The following NBAS variants were observed in gnomAD, a reference collection of about 807,000 sequenced individuals.
NBAS encodes the protein NAG/BC035112 fusion.
Under a neutral mutation model 302.5 loss-of-function variants are expected in NBAS, and 219 were observed. That is an observed-to-expected ratio of 0.72 (90% CI 0.65 to 0.81). NBAS has a LOEUF of 0.81. Ranked by LOEUF, NBAS falls within the 30% of genes least tolerant of loss-of-function variation. NBAS has a pLI of 0.00. For missense variants in NBAS, 2,932 were observed against 2,841.6 expected (o/e 1.03, Z -0.72); for synonymous variants, 1,118 against 1,021.6 (o/e 1.09, Z -1.80).
the NBAS span, among the ~76,000 whole-genome samples, chr2:14,814,822 C>G: frequency 6.6e-6 from 1 of 152,230 alleles, no homozygotes; most frequent in East Asian, 1.9e-4. Context: ...TGTGTCCCCC[C>G]CCAAACTGCA....
intron 7 of NBAS, among the ~76,000 whole-genome samples, 154 bp from the exon 8 acceptor site, chr2:15,536,705 T>C (rs1663537130): frequency 6.6e-6 from 1 of 152,180 alleles, no homozygotes; most frequent in Non-Finnish European, 1.5e-5. Context: ...ATCATGCAAG[T>C]CAGAATGCCT....
chr2:14,781,928 A>G, the NBAS span, among the ~76,000 whole-genome samples: 1 of 152,090 alleles, frequency 6.6e-6, no homozygotes, highest in African/African-American at 2.4e-5. Context: ...CATCCTCCTT[A>G]GCATGATGGT....
chr2:15,551,639 A>G (rs1664389991), intron 5 of NBAS, 103 bp from the exon 6 acceptor site: 3 of 742,948 alleles, frequency 4.0e-6, no homozygotes, highest in Non-Finnish European at 2.3e-6. Context: ...TACAATGCTC[A>G]ATCATATCTC....
At chr2:15,291,005 A>C (rs1253069693) in intron 41 of NBAS, among the ~76,000 whole-genome samples, 4 of 152,284 alleles carry the variant, frequency 2.6e-5, no homozygotes, top group Admixed American at 2.6e-4. Context: ...ATGATAAAAA[A>C]TAACATACTC....
At chr2:15,250,419 T>C (rs1053977881) in intron 44 of NBAS, among the ~76,000 whole-genome samples, 2 of 152,122 alleles carry the variant, frequency 1.3e-5, no homozygotes, top group African/African-American at 4.8e-5. Context: ...ACTTAATGAC[T>C]AAAACACCAA....
intron 6 of NBAS, among the ~76,000 whole-genome samples, chr2:15,544,723 G>C (rs1664019204): frequency 6.6e-6 from 1 of 152,254 alleles, no homozygotes; most frequent in Middle Eastern, 3.4e-3. Flanking sequence ...TCTTTAAAGA[G>C]CTGAAAGAGC....
At chr2:15,114,629 A>G in the NBAS span, among the ~76,000 whole-genome samples, 2 of 152,122 alleles carry the variant, frequency 1.3e-5, no homozygotes, top group African/African-American at 2.4e-5. Flanking sequence ...ATAAAGAAAA[A>G]TAAAGGAGGG....
the NBAS span, among the ~76,000 whole-genome samples, chr2:15,097,952 T>A: frequency 1.8e-5 from 2 of 111,078 alleles, no homozygotes; most frequent in East Asian, 4.5e-4. Flanking sequence ...TTATATTGTA[T>A]ATAATATATA....
intron 32 of NBAS, among the ~76,000 whole-genome samples, chr2:15,358,510 T>C (rs549890483): frequency 5.3e-5 from 8 of 152,310 alleles, no homozygotes; most frequent in Non-Finnish European, 1.0e-4. Flanking sequence ...AGTGGCACTA[T>C]CACTGCTCAC....
the NBAS span, among the ~76,000 whole-genome samples, chr2:15,087,964 G>C: frequency 6.6e-6 from 1 of 152,214 alleles, no homozygotes; most frequent in Non-Finnish European, 1.5e-5. Flanking sequence ...AAATCGTTAA[G>C]AACAGGCAGC....
At chr2:14,864,381 A>G in the NBAS span, among the ~76,000 whole-genome samples, 1 of 152,090 alleles carries the variant, frequency 6.6e-6, no homozygotes, top group African/African-American at 2.4e-5. Context: ...CCTTATTTCA[A>G]GACTATTCAT....
chr2:15,084,851 C>T, the NBAS span, among the ~76,000 whole-genome samples: 2 of 152,206 alleles, frequency 1.3e-5, no homozygotes, highest in Non-Finnish European at 2.9e-5. Flanking sequence ...AGACTCTAAC[C>T]ACTTGAAAGG....
the NBAS span, among the ~76,000 whole-genome samples, chr2:14,951,742 C>T: frequency 6.6e-6 from 1 of 152,104 alleles, no homozygotes; most frequent in Non-Finnish European, 1.5e-5. Flanking sequence ...TCAAAGCCAC[C>T]CTGTGAGGTA....
the NBAS span, among the ~76,000 whole-genome samples, chr2:14,874,718 A>AT: frequency 6.6e-6 from 1 of 151,180 alleles, no homozygotes; most frequent in African/African-American, 2.4e-5. Context: ...ATGCTTGGAG[A>AT]TTTTTACATC....
chr2:15,141,571 G>A, the NBAS span, among the ~76,000 whole-genome samples: 1 of 152,184 alleles, frequency 6.6e-6, no homozygotes, highest in African/African-American at 2.4e-5. Context: ...CTAAACTGAA[G>A]CTGAGGAAAG....
the NBAS span, among the ~76,000 whole-genome samples, chr2:14,928,330 C>T: frequency 2.0e-5 from 3 of 152,112 alleles, no homozygotes; most frequent in Non-Finnish European, 2.9e-5. Context: ...GATTGCTTCT[C>T]GTAGCACACA....
At chr2:14,836,875 AG>A in the NBAS span, among the ~76,000 whole-genome samples, 1 of 151,790 alleles carries the variant, frequency 6.6e-6, no homozygotes, top group Non-Finnish European at 1.5e-5. Context: ...AATTTTCTAG[AG>A]GTCTTACACA....
At chr2:15,163,083 G>A (rs1000364661), downstream of NBAS, among the ~76,000 whole-genome samples, 5 of 152,204 alleles carry the variant, frequency 3.3e-5, no homozygotes, top group Non-Finnish European at 1.5e-5. Flanking sequence ...CTGGGAAAAC[G>A]ACCTCCACTC....
At chr2:15,486,048 A>C (rs997293342) in intron 12 of NBAS, among the ~76,000 whole-genome samples, 2 of 152,164 alleles carry the variant, frequency 1.3e-5, no homozygotes, top group Admixed American at 1.3e-4. Flanking sequence ...CAGCAGCAGG[A>C]AAGGGAGGGG....
Sources: allele counts gnomAD v4.1 joint callset (sites outside exome capture counted in the v4.1 genomes callset), GRCh38; gene constraint gnomAD v4.1.1; transcripts MANE v1.5; gene names NCBI Gene and HGNC (gene_info 2026-07-23, HGNC 2026-07-21).